ERO1A: variants seen among roughly 807,000 people sequenced by gnomAD.
ERO1A encodes the protein ERO1-like protein alpha.
In ERO1A, 49 loss-of-function variants were observed where a neutral mutation model predicts 76.9. The observed-to-expected ratio is 0.64, with a 90% CI of 0.51 to 0.81. ERO1A has a LOEUF of 0.81. Among genes scored for constraint, ERO1A ranks in the 30% least tolerant of loss-of-function variants. The pLI is 0.00. For missense variants in ERO1A, 448 were observed against 542.1 expected (o/e 0.83, Z 1.72); for synonymous variants, 174 against 181.2 (o/e 0.96, Z 0.32).
At chr14:52,643,819 C>T (rs2039553700) in intron 15 of ERO1A, among the ~76,000 whole-genome samples, 189 bp from the exon 16 acceptor site, 1 of 152,042 alleles carries the variant, frequency 6.6e-6, no homozygotes, top group African/African-American at 2.4e-5. Context: ...ATATTAATGT[C>T]TAGAAATTAG....
chr14:52,691,831 C>T (rs191835293), intron 1 of ERO1A, among the ~76,000 whole-genome samples: 1 of 152,186 alleles, frequency 6.6e-6, no homozygotes, highest in Admixed American at 6.5e-5. Context: ...CGTGAGCCAC[C>T]ATGCCTGGCC....
At chr14:52,676,213 CT>C (rs71444773) in intron 4 of ERO1A, among the ~76,000 whole-genome samples, 65,569 of 151,944 alleles carry the variant, frequency 0.43, 14,992 homozygotes, top group Middle Eastern at 0.55. Context: ...TTCCTTTTTC[CT>C]TTTTATTTCA....
intron 11 of ERO1A, 150 bp from the exon 12 acceptor site, chr14:52,653,465 C>A (rs1489296534): frequency 3.8e-6 from 2 of 522,084 alleles, no homozygotes; most frequent in African/African-American, 2.0e-5. Flanking sequence ...CACAATTTAG[C>A]CTTTAATAGT....
intron 2 of ERO1A, among the ~76,000 whole-genome samples, chr14:52,683,538 T>C (rs925655775): frequency 3.3e-5 from 5 of 152,214 alleles, no homozygotes; most frequent in Non-Finnish European, 5.9e-5. Context: ...TTGATAACAA[T>C]ATATAATAAT....
At chr14:52,691,840 C>T (rs1848195686) in intron 1 of ERO1A, among the ~76,000 whole-genome samples, 1 of 152,164 alleles carries the variant, frequency 6.6e-6, no homozygotes, top group Non-Finnish European at 1.5e-5. Context: ...CCATGCCTGG[C>T]CTAGGTTGTA....
At chr14:52,695,312 C>G (rs1425028536) in intron 1 of ERO1A, 56 bp downstream of exon 1, 72 of 1,202,746 alleles carry the variant, frequency 6.0e-5, no homozygotes, top group Non-Finnish European at 7.8e-5. Context: ...GCGTGCGGGA[C>G]AGTGCACGCC....
chr14:52,683,672 A>C, intron 2 of ERO1A, 116 bp downstream of exon 2: 1 of 479,496 alleles, frequency 2.1e-6, no homozygotes, highest in Non-Finnish European at 3.6e-6. Context: ...GAATTTTCTT[A>C]ATAAAGCCTA....
intron 4 of ERO1A, among the ~76,000 whole-genome samples, chr14:52,675,372 C>T (rs2040749450): frequency 6.8e-6 from 1 of 146,786 alleles, no homozygotes; most frequent in South Asian, 2.1e-4. Context: ...ACAACAAGAG[C>T]AAAACTCCGT....
intron 1 of ERO1A, among the ~76,000 whole-genome samples, chr14:52,690,994 C>G (rs1016224159): frequency 6.6e-6 from 1 of 152,110 alleles, no homozygotes; most frequent in Non-Finnish European, 1.5e-5. Flanking sequence ...CTCGAACCCC[C>G]AACCTCAGGT....
At chr14:52,652,191 A>AT (rs1173949710) in intron 13 of ERO1A, 48 bp downstream of exon 13, 2 of 1,136,254 alleles carry the variant, frequency 1.8e-6, no homozygotes, top group African/African-American at 3.0e-5. Flanking sequence ...TCATATCTGC[A>AT]TAAGTGTTAA....
intron 7 of ERO1A, among the ~76,000 whole-genome samples, chr14:52,664,984 G>A (rs1011938280): frequency 3.9e-5 from 6 of 151,906 alleles, no homozygotes; most frequent in African/African-American, 1.5e-4. Context: ...ACAACAACAG[G>A]GCCGGGCGTG....
chr14:52,670,040 G>A (rs112853341), intron 6 of ERO1A, among the ~76,000 whole-genome samples: 21 of 152,118 alleles, frequency 1.4e-4, no homozygotes, highest in Admixed American at 7.2e-4. Context: ...CCCACTCCCC[G>A]AGTAGCTGGG....
chr14:52,676,110 T>C (rs1301194295), intron 4 of ERO1A, among the ~76,000 whole-genome samples: 1 of 152,242 alleles, frequency 6.6e-6, no homozygotes. Flanking sequence ...CCTTTAGGAA[T>C]AGTGAATGAT....
chr14:52,656,864 C>A (rs1162306919), intron 11 of ERO1A, among the ~76,000 whole-genome samples: 1 of 152,120 alleles, frequency 6.6e-6, no homozygotes, highest in Non-Finnish European at 1.5e-5. Context: ...AGTTCAAGAC[C>A]AGCCTGGGCA....
intron 8 of ERO1A, among the ~76,000 whole-genome samples, chr14:52,662,203 T>C (rs1005776129): frequency 6.6e-6 from 1 of 152,288 alleles, no homozygotes; most frequent in Non-Finnish European, 1.5e-5. Context: ...TGTATCTTTA[T>C]GGTAAGTGAC....
At chr14:52,694,021 G>GA (rs1015280418) in intron 1 of ERO1A, among the ~76,000 whole-genome samples, 11 of 151,698 alleles carry the variant, frequency 7.3e-5, no homozygotes, top group East Asian at 5.8e-4. Flanking sequence ...GGTTATTAAG[G>GA]AAAAAAAAAG....
intron 1 of ERO1A, among the ~76,000 whole-genome samples, chr14:52,692,707 C>T (rs935616644): frequency 6.6e-6 from 1 of 152,144 alleles, no homozygotes; most frequent in Non-Finnish European, 1.5e-5. Flanking sequence ...AGGGATAATG[C>T]CATAGTTATT....
chr14:52,671,194 T>C (rs961508299), intron 6 of ERO1A, among the ~76,000 whole-genome samples: 2 of 152,244 alleles, frequency 1.3e-5, no homozygotes, highest in Non-Finnish European at 2.9e-5. Context: ...TCTGGCTGAA[T>C]AGTATTCCAT....
At chr14:52,686,832 A>C (rs2041191986) in intron 1 of ERO1A, among the ~76,000 whole-genome samples, 1 of 151,710 alleles carries the variant, frequency 6.6e-6, no homozygotes, top group Non-Finnish European at 1.5e-5. Context: ...CCAAGATCAC[A>C]CCACTGCACT....
Sources: allele counts gnomAD v4.1 joint callset (sites outside exome capture counted in the v4.1 genomes callset), GRCh38; gene constraint gnomAD v4.1.1; transcripts MANE v1.5; gene names NCBI Gene and HGNC (gene_info 2026-07-23, HGNC 2026-07-21).